Variants in ARSD observed in about 807,000 individuals in gnomAD.
ARSD encodes arylsulfatase D.
In ARSD, 21 loss-of-function variants were observed where a neutral mutation model predicts 32.6. That is an observed-to-expected ratio of 0.64 (90% CI 0.46 to 0.93). The LOEUF is 0.93. Ranked by LOEUF, ARSD falls within the 40% of genes least tolerant of loss-of-function variation. ARSD has a pLI of 0.00. For missense variants in ARSD, 454 were observed against 520.9 expected (o/e 0.87, Z 1.25); for synonymous variants, 224 against 237.4 (o/e 0.94, Z 0.52).
chrX:2,909,776 T>C, intron 8 of ARSD, 41 bp downstream of exon 8: 1 of 1,049,749 alleles, frequency 9.5e-7, no homozygotes, highest in Non-Finnish European at 1.2e-6. Context: ...CTAAAAACAA[T>C]TAAAAAAAAT....
At chrX:2,914,236 T>G (rs2088929906) in intron 6 of ARSD, 2 of 361,302 alleles carry the variant, frequency 5.5e-6, no homozygotes, top group African/African-American at 6.1e-5. Flanking sequence ...CTTTTATTTC[T>G]TTTTTTTTTT....
At chrX:2,910,838 C>T (rs1465718185) in intron 6 of ARSD, 45 bp from the exon 7 acceptor site, 1 of 1,185,652 alleles carries the variant, frequency 8.4e-7, no homozygotes, top group South Asian at 1.9e-5. Flanking sequence ...AACAAAGCAG[C>T]ATCCACTAGT....
At chrX:2,928,603 G>T (rs188200141) in intron 1 of ARSD, among the ~76,000 whole-genome samples, 4 of 103,896 alleles carry the variant, frequency 3.9e-5, no homozygotes, top group Non-Finnish European at 7.9e-5. Flanking sequence ...GGGAGGACGG[G>T]GCGTTGGGGA....
At chrX:2,922,983 G>A (rs1218350826) in intron 2 of ARSD, among the ~76,000 whole-genome samples, 1 of 88,923 alleles carries the variant, frequency 1.1e-5, no homozygotes, top group Non-Finnish European at 2.4e-5. Context: ...CGTGAGGCAC[G>A]GTACTGTGAA....
chrX:2,923,726 T>C (rs1242864243), intron 2 of ARSD, among the ~76,000 whole-genome samples: 1 of 111,652 alleles, frequency 9.0e-6, no homozygotes, highest in Admixed American at 9.5e-5. Context: ...TTTACCTGAA[T>C]CACGTCTCTA....
rs2088836784 is a variant in ARSD, at chrX:2,904,282, G to T, written c.*2989C>A. The stretch of plus-strand genomic sequence containing the variant: ...GCCAGGTATCCCAAGTCTAGGGCAG[G>T]GAGGGTAGTATCGGCATCACTTTCA... On this transcript the variant is annotated 3_prime_UTR_variant, in exon 10 of 10. Transcript: ENST00000381154. 1 of 111,398 alleles carries T rather than the reference G, an allele frequency of 9.0e-6. No individual in the cohort carries two copies. Among genetic ancestry groups the T allele is most frequent in the South Asian group, 3.8e-4 (1 of 2,619 alleles). The allele number at this position is 111,398 out of a possible 1,213,427, so 9.2% of individuals were successfully genotyped here. A position where few individuals can be genotyped will look rare whatever the true frequency, so the allele number is the denominator to read the frequency against.
intron 2 of ARSD, among the ~76,000 whole-genome samples, chrX:2,924,960 C>T (rs982214417): frequency 7.2e-5 from 8 of 111,049 alleles, no homozygotes; most frequent in Admixed American, 2.9e-4. Context: ...TTTAGTAATC[C>T]ATATCAGATT....
At chrX:2,911,662 TCC>T (rs2088903182) in intron 6 of ARSD, among the ~76,000 whole-genome samples, 1 of 58,857 alleles carries the variant, frequency 1.7e-5, no homozygotes, top group Non-Finnish European at 2.9e-5. Flanking sequence ...AGGGTGAGAC[TCC>T]ATCTCAAAAA....
Position 2,918,084 on chromosome X carries a change from C to CG in ARSD, c.582dup (p.Ala195ArgfsTer69), listed in dbSNP as rs1569090017. 1 of 1,200,441 alleles carries CG rather than the reference C, an allele frequency of 8.3e-7. No homozygotes were observed. Among genetic ancestry groups the CG allele is most frequent in the Non-Finnish European group, 1.1e-6 (1 of 889,464 alleles). On this transcript the variant is annotated frameshift_variant, in exon 5 of 10. Coordinates refer to ENST00000381154, the MANE Select transcript of ARSD (RefSeq NM_001669.4). LOFTEE classifies it high-confidence loss of function. ...TAACCCCAGAGCTGCGCCCTCAGGG[C>CG]GGCGTCCACTTCGGGGGGCCTGCCT...
intron 2 of ARSD, among the ~76,000 whole-genome samples, chrX:2,922,966 T>C (rs1603461294): frequency 9.7e-6 from 1 of 103,048 alleles, no homozygotes. Flanking sequence ...ACTCAGCCAC[T>C]GCAAGGCGTG....
chrX:2,928,890 A>G (rs1174729297), intron 1 of ARSD, among the ~76,000 whole-genome samples: 1 of 111,998 alleles, frequency 8.9e-6, no homozygotes, highest in Non-Finnish European at 1.9e-5. Context: ...TGACCGGCCC[A>G]GTTTCCGCTC....
At chrX:2,909,680 T>A (rs765545587) in intron 8 of ARSD, 137 bp downstream of exon 8, 3 of 582,407 alleles carry the variant, frequency 5.2e-6, no homozygotes, top group Admixed American at 6.7e-5. Context: ...TGAGACTCTG[T>A]CTCAAAAAAA....
At position 2,911,151 on chromosome X, in the gene ARSD, C is replaced by G. The variant is rs192233289; in HGVS notation, c.1001-358G>C. ...CTTTGGGAGCCTGAGGTGGGTGGAT[C>G]ACCTGAGGCCAGGAGTTCAAGACCA... is the stretch of plus-strand genomic sequence containing the variant. On this transcript the variant is annotated intron_variant, in intron 6 of 9. Coordinates refer to ENST00000381154, the MANE Select transcript of ARSD (RefSeq NM_001669.4). 2.6e-3 allele frequency among the ~76,000 whole-genome samples: 286 copies of G among 111,801 alleles called. 1 individual carries two copies. The highest frequency in any genetic ancestry group is 8.7e-3 in the African/African-American group (268 of 30,783).
chrX:2,917,939 G>A lies in ARSD; in HGVS notation c.728C>T (p.Ser243Phe), dbSNP rs2088981570. The change falls in exon 5 of 10, where the codon TCT becomes TTT. Residue 243 changes from serine (S) to phenylalanine (F), a missense_variant. Ser to Phe is a radical substitution (Grantham distance 155, BLOSUM62 -2). Around this residue, in one of 3 missense-constraint regions of ARSD, gnomAD observed 271 missense variants for 301.0 expected, o/e 0.90. Coordinates refer to ENST00000381154, the MANE Select transcript of ARSD (RefSeq NM_001669.4). The stretch of plus-strand genomic sequence containing the variant: ...CACAAACCCGAAGGAGGAGTACCAA[G>A]AGATGAAAAACAGGCAGCCCACGCC... ...MAGVGCLFFI[S>F]WYSSFGFVRR... is the part of the protein sequence containing the mutation. 4.9e-6 allele frequency: 6 copies of A among 1,212,308 alleles called. No individual in the cohort carries two copies. The Middle Eastern group carries it at 1.4e-3, about 278-fold the overall frequency.
At chrX:2,912,818 G>A (rs1192084125) in intron 6 of ARSD, among the ~76,000 whole-genome samples, 5 of 111,925 alleles carry the variant, frequency 4.5e-5, no homozygotes, top group South Asian at 3.7e-4. Flanking sequence ...GCTCAGCAGC[G>A]CAGAGGACGC....
intron 6 of ARSD, 130 bp downstream of exon 6, chrX:2,915,426 A>G (rs2088947527): frequency 1.0e-6 from 1 of 989,338 alleles, no homozygotes; most frequent in Non-Finnish European, 1.4e-6. Context: ...AAGTGCTGGG[A>G]TTACAGGCGT....
chrX:2,911,111 C>G (rs949576191), intron 6 of ARSD, among the ~76,000 whole-genome samples: 1 of 112,349 alleles, frequency 8.9e-6, no homozygotes, highest in Non-Finnish European at 1.9e-5. Flanking sequence ...GCGGCTCACA[C>G]CTGTAATCTC....
chrX:2,924,398 G>A (rs1252620638), intron 2 of ARSD, among the ~76,000 whole-genome samples: 1 of 113,678 alleles, frequency 8.8e-6, no homozygotes, highest in African/African-American at 3.2e-5. Flanking sequence ...CCTGCTCTGC[G>A]GGGACCGCTC....
rs57996096 is a variant in ARSD, at chrX:2,904,903, CTTT to C, written c.*2365_*2367del. The C allele has an allele frequency of 2.8e-4, 59 of 207,980 alleles. No homozygotes were observed. The highest frequency in any genetic ancestry group is 1.4e-3 in the East Asian group (10 of 6,899). 17.1% of individuals were successfully genotyped at this position (207,980 alleles called of 1,213,427 possible). A position where few individuals can be genotyped will look rare whatever the true frequency, so the allele number is the denominator to read the frequency against. On this transcript the variant is annotated 3_prime_UTR_variant, in exon 10 of 10. Transcript: ENST00000381154. ...CGTGTCCCATGCTCCATAGATGTTT[CTTT>C]TTTTTTTTTTTTTTAATCATTTTTT...
Sources: gnomAD v4.1 joint callset for allele counts (sites outside exome capture counted in the v4.1 genomes callset) on GRCh38, gnomAD v4.1.1 for gene constraint, gnomAD v4.1.1 regional missense constraint, MANE v1.5 for transcripts, NCBI Gene and HGNC (gene_info 2026-07-23, HGNC 2026-07-21) for gene names.